Variants in ATP10B observed in about 807,000 individuals in gnomAD.
ATP10B encodes phospholipid-transporting ATPase VB.
A neutral mutation model predicts 141.2 loss-of-function variants in ATP10B; 122 were observed. The observed-to-expected ratio is 0.86, with a 90% CI of 0.75 to 1.00. ATP10B has a LOEUF of 1.00. ATP10B is among the 50% of genes least tolerant of loss of function. ATP10B has a pLI of 0.00. For synonymous variants in ATP10B, 685 were observed against 692.0 expected (o/e 0.99, Z 0.16); for missense variants, 1,876 against 1,825.3 (o/e 1.03, Z -0.51).
intron 18 of ATP10B, chr5:160,611,993 C>A (rs1438539735): frequency 6.6e-6 from 1 of 152,236 alleles, no homozygotes; most frequent in Non-Finnish European, 1.5e-5. Flanking sequence ...ACAGATACTT[C>A]CCCCTAAAAT....
chr5:160,870,889 C>A, the ATP10B span, among the ~76,000 whole-genome samples: 19 of 145,228 alleles, frequency 1.3e-4, no homozygotes, highest in Non-Finnish European at 2.8e-4. Flanking sequence ...TTACATCTGA[C>A]TTTTCCTCAG....
At chr5:160,677,494 G>A (rs540798250) in intron 6 of ATP10B, among the ~76,000 whole-genome samples, 2 of 152,232 alleles carry the variant, frequency 1.3e-5, no homozygotes, top group East Asian at 3.9e-4. Flanking sequence ...AGTCCTCCCC[G>A]AGGCCCATTT....
intron 18 of ATP10B, among the ~76,000 whole-genome samples, chr5:160,610,169 G>T (rs1581196422): frequency 6.6e-6 from 1 of 152,130 alleles, no homozygotes; most frequent in East Asian, 1.9e-4. Flanking sequence ...TGCAAAAAAT[G>T]ATGGGATGTC....
chr5:160,869,502 G>T, the ATP10B span, among the ~76,000 whole-genome samples: 4 of 151,876 alleles, frequency 2.6e-5, no homozygotes, highest in African/African-American at 9.7e-5. Flanking sequence ...TAGAATGTTT[G>T]CTCACAAAAA....
intron 22 of ATP10B, among the ~76,000 whole-genome samples, chr5:160,598,393 G>T (rs28545695): frequency 0.035 from 5,253 of 151,920 alleles, 306 homozygotes; most frequent in African/African-American, 0.12. Context: ...GTTGTGGGGT[G>T]GGGGGAGCAG....
chr5:160,665,223 G>A (rs1181736956), intron 7 of ATP10B, among the ~76,000 whole-genome samples: 1 of 152,212 alleles, frequency 6.6e-6, no homozygotes, highest in African/African-American at 2.4e-5. Flanking sequence ...TGGCAGCCTT[G>A]AGGATAATCT....
the ATP10B span, among the ~76,000 whole-genome samples, chr5:160,903,997 C>T: frequency 6.6e-6 from 1 of 152,156 alleles, no homozygotes; most frequent in Non-Finnish European, 1.5e-5. Flanking sequence ...TCGCCATAGG[C>T]TTGAGTACTG....
Position 160,835,842 on chromosome 5 carries a change from A to G in ATP10B, c.-576+16099T>C, listed in dbSNP as rs2127981789. ...TTTCTGCCCTCTGATTGGTAGTCAC[A>G]TCCAATTTGATTAAATTGTTCTGGC... On this transcript the variant is annotated intron_variant, in intron 1 of 25. Coordinates refer to ENST00000327245, the MANE Select transcript of ATP10B (RefSeq NM_025153.3). Among the ~76,000 whole-genome samples, 3 of 152,236 alleles carry G rather than the reference A, an allele frequency of 2.0e-5. No homozygotes were observed. The Middle Eastern group carries it at 0.01, about 518-fold the overall frequency.
In ATP10B at chr5:160,688,856, G is replaced by C. The variant is rs1763914923; in HGVS notation, c.-117C>G. The C allele has an allele frequency of 2.0e-6, 2 of 985,060 alleles. No homozygotes were observed. Among genetic ancestry groups the C allele is most frequent in the Non-Finnish European group, 2.4e-6 (2 of 829,938 alleles). 61.0% of individuals were successfully genotyped at this position (985,060 alleles called of 1,614,324 possible). ...CATGAGGTGACTGGGCTGTGCTACT[G>C]TCCAGTCAGCTGGCTTTTCTTAATC... On this transcript the variant is annotated 5_prime_UTR_variant, in exon 4 of 26. Transcript: ENST00000327245.
intron 2 of ATP10B, among the ~76,000 whole-genome samples, chr5:160,734,973 C>T (rs1247350794): frequency 1.3e-5 from 2 of 150,498 alleles, no homozygotes; most frequent in Admixed American, 1.3e-4. Context: ...TCATAGTAAC[C>T]TCAAATTAAA....
intron 21 of ATP10B, among the ~76,000 whole-genome samples, chr5:160,601,437 C>T (rs2127624775): frequency 6.6e-6 from 1 of 152,286 alleles, no homozygotes; most frequent in East Asian, 1.9e-4. Context: ...AGCCTTTGAA[C>T]TAGATAATGA....
At chr5:160,873,068 T>C in the ATP10B span, among the ~76,000 whole-genome samples, 1 of 152,098 alleles carries the variant, frequency 6.6e-6, no homozygotes, top group Admixed American at 6.6e-5. Context: ...TTTTGTAGTT[T>C]TTCTTGTAGC....
Position 160,756,202 on chromosome 5 carries a change from TTGAG to T in ATP10B, c.-331+29353_-331+29356del, listed in dbSNP as rs578160579. On this transcript the variant is annotated intron_variant, in intron 2 of 25. Transcript: ENST00000327245. Reference sequence around the variant, plus strand: ...CTACCTTTTTTGAATCTTAATTATTTTGAGTTTGATTCATATTGTTGCATATGTA... The same window carrying T: ...CTACCTTTTTTGAATCTTAATTATTTTTTGATTCATATTGTTGCATATGTA... Among the ~76,000 whole-genome samples, 760 of 152,174 alleles carry T rather than the reference TTGAG, an allele frequency of 5.0e-3. 3 individuals are homozygous for T. Among genetic ancestry groups the T allele is most frequent in the African/African-American group, 0.018 (733 of 41,530 alleles).
intron 7 of ATP10B, among the ~76,000 whole-genome samples, chr5:160,665,340 G>C (rs1462336135): frequency 6.6e-6 from 1 of 152,196 alleles, no homozygotes; most frequent in Non-Finnish European, 1.5e-5. Context: ...CATGAGGATT[G>C]TCAACTTCTT....
chr5:160,585,702 C>G (rs1313415396), intron 24 of ATP10B, among the ~76,000 whole-genome samples: 1 of 152,184 alleles, frequency 6.6e-6, no homozygotes, highest in Non-Finnish European at 1.5e-5. Flanking sequence ...TTAGACCCAG[C>G]AGTAGATGGG....
chr5:160,671,262 TTC>T (rs1762690647), intron 6 of ATP10B, among the ~76,000 whole-genome samples: 1 of 151,672 alleles, frequency 6.6e-6, no homozygotes, highest in Non-Finnish European at 1.5e-5. Flanking sequence ...CTTGACCAAG[TTC>T]TGTGTTCAGC....
upstream of ATP10B, among the ~76,000 whole-genome samples, chr5:160,856,559 AGT>A (rs1199988539): frequency 1.3e-5 from 2 of 151,832 alleles, no homozygotes; most frequent in Non-Finnish European, 2.9e-5. Context: ...AAGTGATGAG[AGT>A]GAACATCATT....
intron 1 of ATP10B, among the ~76,000 whole-genome samples, chr5:160,830,105 G>A (rs1257061713): frequency 6.6e-6 from 1 of 151,858 alleles, no homozygotes; most frequent in Middle Eastern, 3.2e-3. Flanking sequence ...TGGCTCTTGA[G>A]GTATGTTCCT....
intron 24 of ATP10B, among the ~76,000 whole-genome samples, chr5:160,587,677 T>C (rs983700504): frequency 2.0e-5 from 3 of 152,240 alleles, no homozygotes; most frequent in Non-Finnish European, 2.9e-5. Context: ...AGGTATTTTA[T>C]TCTCTTTGTA....
Sources: allele counts gnomAD v4.1 joint callset (sites outside exome capture counted in the v4.1 genomes callset), GRCh38; gene constraint gnomAD v4.1.1; transcripts MANE v1.5; gene names NCBI Gene and HGNC (gene_info 2026-07-23, HGNC 2026-07-21).